Variants in LRMDA observed in about 807,000 individuals in gnomAD.
The protein encoded by LRMDA is leucine-rich melanocyte differentiation-associated protein.
Under a neutral mutation model 29.8 loss-of-function variants are expected in LRMDA, and 18 were observed. That is an observed-to-expected ratio of 0.60 (90% CI 0.42 to 0.90). LRMDA has a LOEUF of 0.90. Ranked by LOEUF, LRMDA falls within the 40% of genes least tolerant of loss-of-function variation. LRMDA has a pLI of 0.00. For synonymous variants in LRMDA, 125 were observed against 109.4 expected (o/e 1.14, Z -0.89); for missense variants, 273 against 273.9 (o/e 1.00, Z 0.02).
In LRMDA at chr10:76,020,496, C is replaced by T. The variant is rs116193100; in HGVS notation, c.132-15512C>T. The stretch of plus-strand genomic sequence containing the variant: ...CACTTTCCCAAGCTTCCATTTGAAC[C>T]TCCAGATTGGAAATGGGGGGCTGCC... On this transcript the variant is annotated intron_variant, in intron 2 of 6. Transcript: ENST00000611255. Among the ~76,000 whole-genome samples the T allele has an allele frequency of 6.6e-4, 100 of 152,344 alleles. 1 individual carries two copies. Among genetic ancestry groups the T allele is most frequent in the African/African-American group, 2.4e-3 (99 of 41,590 alleles).
At chr10:76,253,406 A>G (rs985640282) in intron 5 of LRMDA, among the ~76,000 whole-genome samples, 1 of 152,064 alleles carries the variant, frequency 6.6e-6, no homozygotes, top group African/African-American at 2.4e-5. Context: ...ATTGAAATCA[A>G]TTTATAATGT....
intron 6 of LRMDA, among the ~76,000 whole-genome samples, chr10:76,427,060 T>C (rs964962394): frequency 6.6e-6 from 1 of 152,228 alleles, no homozygotes; most frequent in African/African-American, 2.4e-5. Flanking sequence ...TTTGTTCTTT[T>C]GGCTTAGGAT....
chr10:76,107,346 G>C (rs1052590977), intron 5 of LRMDA, among the ~76,000 whole-genome samples: 1 of 152,214 alleles, frequency 6.6e-6, no homozygotes, highest in African/African-American at 2.4e-5. Context: ...CCCAGGTGAT[G>C]CTGAGGCTGC....
chr10:76,157,730 ATGTG>A (rs1275019617), intron 5 of LRMDA, among the ~76,000 whole-genome samples: 2 of 152,114 alleles, frequency 1.3e-5, no homozygotes, highest in East Asian at 3.9e-4. Flanking sequence ...AATTATGTGT[ATGTG>A]TGTATAGGCA....
At chr10:75,689,449 A>G (rs1026077154) in intron 2 of LRMDA, among the ~76,000 whole-genome samples, 1 of 152,148 alleles carries the variant, frequency 6.6e-6, no homozygotes, top group African/African-American at 2.4e-5. Flanking sequence ...AGGGCCTGCT[A>G]TTGAATCTAC....
Position 75,627,793 on chromosome 10 carries a change from G to C in LRMDA, c.131+189299G>C, listed in dbSNP as rs529329307. Among the ~76,000 whole-genome samples, 186 of 152,294 alleles carry C rather than the reference G, an allele frequency of 1.2e-3. 1 individual carries two copies. Among genetic ancestry groups the C allele is most frequent in the African/African-American group, 4.2e-3 (173 of 41,556 alleles). On this transcript the variant is annotated intron_variant, in intron 2 of 6. Coordinates refer to ENST00000611255, the MANE Select transcript of LRMDA (RefSeq NM_001305581.2). ...CTGGGGAAGATATGAACACTAAATT[G>C]GGAGATTTCAGATGTATTCAAGACC...
At chr10:76,170,825 A>G (rs966093775) in intron 5 of LRMDA, among the ~76,000 whole-genome samples, 1 of 152,236 alleles carries the variant, frequency 6.6e-6, no homozygotes, top group African/African-American at 2.4e-5. Flanking sequence ...TTGAAAATTT[A>G]TATGAGGTTA....
At chr10:75,973,953 G>A (rs1847026670) in intron 2 of LRMDA, among the ~76,000 whole-genome samples, 1 of 152,168 alleles carries the variant, frequency 6.6e-6, no homozygotes, top group African/African-American at 2.4e-5. Flanking sequence ...TAGGTCTTTT[G>A]TGGAGCCAAA....
intron 2 of LRMDA, among the ~76,000 whole-genome samples, chr10:75,482,627 A>G (rs755004946): frequency 3.3e-5 from 5 of 152,150 alleles, no homozygotes; most frequent in Non-Finnish European, 7.4e-5. Flanking sequence ...TGTGCAGCAC[A>G]TAATTGTTAA....
intron 2 of LRMDA, among the ~76,000 whole-genome samples, chr10:75,668,989 C>G (rs1841859601): frequency 6.6e-6 from 1 of 152,174 alleles, no homozygotes; most frequent in Non-Finnish European, 1.5e-5. Context: ...TTGTAAATGT[C>G]TCTCAAGGCA....
chr10:75,793,598 G>T (rs1201318446), intron 2 of LRMDA, among the ~76,000 whole-genome samples: 1 of 152,228 alleles, frequency 6.6e-6, no homozygotes, highest in East Asian at 1.9e-4. Flanking sequence ...CCCCTTGTGT[G>T]AATGGGGTCA....
At chr10:76,019,991 C>T (rs1484580955) in intron 2 of LRMDA, among the ~76,000 whole-genome samples, 1 of 152,168 alleles carries the variant, frequency 6.6e-6, no homozygotes, top group Non-Finnish European at 1.5e-5. Flanking sequence ...GTGGTCACTC[C>T]CCTTGATTCC....
intron 6 of LRMDA, among the ~76,000 whole-genome samples, chr10:76,404,027 G>A (rs997013895): frequency 6.6e-5 from 10 of 151,808 alleles, no homozygotes; most frequent in Non-Finnish European, 8.8e-5. Context: ...TCCCTCTTTC[G>A]CAACTGCCCC....
chr10:76,028,337 A>C (rs1051651246), intron 2 of LRMDA, among the ~76,000 whole-genome samples: 3 of 152,176 alleles, frequency 2.0e-5, no homozygotes, highest in African/African-American at 7.2e-5. Flanking sequence ...GATTTATAAA[A>C]GCTCTTTCCA....
chr10:76,556,336 GTGTTTTTTTTTGTTTT>G (rs930293588), intron 6 of LRMDA: 16 of 152,056 alleles, frequency 1.1e-4, no homozygotes, highest in Admixed American at 3.9e-4. Flanking sequence ...TGTCCATGTG[GTGTTTTTTTTTGTTTT>G]TGTTTTTTTG....
intron 2 of LRMDA, among the ~76,000 whole-genome samples, chr10:76,005,659 G>A (rs745373515): frequency 5.9e-5 from 9 of 151,804 alleles, no homozygotes; most frequent in South Asian, 2.1e-4. Context: ...GGCCAGGCGC[G>A]GTGGCTCACA....
chr10:76,303,181 G>A (rs556507926), intron 5 of LRMDA, among the ~76,000 whole-genome samples: 1 of 148,208 alleles, frequency 6.7e-6, no homozygotes, highest in Non-Finnish European at 1.5e-5. Flanking sequence ...TGTATCAGGA[G>A]ATAAAAAGGA....
intron 6 of LRMDA, among the ~76,000 whole-genome samples, chr10:76,502,817 G>T (rs1842924210): frequency 6.6e-6 from 1 of 151,256 alleles, no homozygotes; most frequent in Non-Finnish European, 1.5e-5. Flanking sequence ...GGGTTTTCTA[G>T]GTATAGAATC....
At chr10:75,607,518 AT>A (rs1185149630) in intron 2 of LRMDA, among the ~76,000 whole-genome samples, 2 of 152,292 alleles carry the variant, frequency 1.3e-5, no homozygotes, top group East Asian at 3.9e-4. Context: ...TAGTGCTCTA[AT>A]TTATAGTGGG....
Sources: gnomAD v4.1 joint callset for allele counts (sites outside exome capture counted in the v4.1 genomes callset) on GRCh38, gnomAD v4.1.1 for gene constraint, MANE v1.5 for transcripts, NCBI Gene and HGNC (gene_info 2026-07-23, HGNC 2026-07-21) for gene names.